SPAG16: variants seen among roughly 807,000 people sequenced by gnomAD.
The protein encoded by SPAG16 is sperm associated antigen 16.
SPAG16 carries 86 observed loss-of-function variants against 80.4 expected under a neutral mutation model. That is an observed-to-expected ratio of 1.07 (90% CI 0.90 to 1.28). SPAG16 has a LOEUF of 1.28. Among genes scored for constraint, SPAG16 ranks in the 50% most tolerant of loss-of-function variants. The pLI, the probability that SPAG16 is intolerant of heterozygous loss-of-function variation, is 0.00. For synonymous variants in SPAG16, 294 were observed against 265.9 expected (o/e 1.11, Z -1.03); for missense variants, 870 against 765.3 (o/e 1.14, Z -1.61).
At chr2:213,363,536 G>A (rs1345632465) in intron 7 of SPAG16, among the ~76,000 whole-genome samples, 1 of 151,996 alleles carries the variant, frequency 6.6e-6, no homozygotes, top group Non-Finnish European at 1.5e-5. Flanking sequence ...TTTAAATTAA[G>A]TATTTTTCAG....
chr2:214,117,138 T>G (rs1169598173), intron 14 of SPAG16, among the ~76,000 whole-genome samples: 1 of 152,106 alleles, frequency 6.6e-6, no homozygotes, highest in Non-Finnish European at 1.5e-5. Context: ...GAGAAATTTA[T>G]CAGGGAAATT....
chr2:213,890,408 G>C (rs2076741686), intron 11 of SPAG16, among the ~76,000 whole-genome samples: 1 of 152,030 alleles, frequency 6.6e-6, no homozygotes, highest in Non-Finnish European at 1.5e-5. Context: ...CTTGAAGACT[G>C]AGTAAATGTG....
At chr2:214,408,697 A>G (rs7583697) in intron 15 of SPAG16, among the ~76,000 whole-genome samples, 29,380 of 152,146 alleles carry the variant, frequency 0.19, 3,625 homozygotes, top group African/African-American at 0.33. Context: ...TTTTCACAAT[A>G]TATCACTTAC....
At chr2:214,240,418 C>T (rs1559149255) in intron 15 of SPAG16, 1 of 152,122 alleles carries the variant, frequency 6.6e-6, no homozygotes, top group African/African-American at 2.4e-5. Flanking sequence ...GTTCATCAGG[C>T]TTTATCATTG....
At chr2:214,281,664 C>T (rs1348332773) in intron 15 of SPAG16, among the ~76,000 whole-genome samples, 1 of 152,136 alleles carries the variant, frequency 6.6e-6, no homozygotes, top group Non-Finnish European at 1.5e-5. Context: ...TTAATATATA[C>T]CTACCTATCA....
At chr2:213,587,684 C>G (rs1475626263) in intron 10 of SPAG16, among the ~76,000 whole-genome samples, 2 of 152,114 alleles carry the variant, frequency 1.3e-5, no homozygotes, top group Non-Finnish European at 2.9e-5. Flanking sequence ...TGAGAATTTT[C>G]CAATTTTTAA....
At chr2:213,771,688 A>G (rs973949493) in intron 10 of SPAG16, among the ~76,000 whole-genome samples, 2 of 152,036 alleles carry the variant, frequency 1.3e-5, no homozygotes, top group African/African-American at 4.8e-5. Context: ...CAGTTTTTCC[A>G]CCATTTATTA....
chr2:213,758,751 A>G (rs1474868537), intron 10 of SPAG16, among the ~76,000 whole-genome samples: 1 of 152,180 alleles, frequency 6.6e-6, no homozygotes, highest in African/African-American at 2.4e-5. Flanking sequence ...AACTTGAAGA[A>G]ACAACGGATA....
At chr2:213,754,610 A>T (rs2068232286) in intron 10 of SPAG16, among the ~76,000 whole-genome samples, 1 of 151,934 alleles carries the variant, frequency 6.6e-6, no homozygotes, top group Admixed American at 6.5e-5. Flanking sequence ...CATAAATATT[A>T]AAAAACTTTC....
intron 10 of SPAG16, 114 bp downstream of exon 10, chr2:213,490,204 G>A (rs2074178755): frequency 2.0e-6 from 2 of 976,104 alleles, no homozygotes; most frequent in Non-Finnish European, 2.9e-6. Flanking sequence ...TTTCAAAATT[G>A]CTACTCATAG....
At chr2:213,507,255 C>T (rs905817253) in intron 10 of SPAG16, among the ~76,000 whole-genome samples, 1 of 152,238 alleles carries the variant, frequency 6.6e-6, no homozygotes, top group African/African-American at 2.4e-5. Flanking sequence ...ATACATTGTA[C>T]TGCTCAAGTT....
chr2:214,083,268 G>A (rs1056933931), intron 13 of SPAG16, among the ~76,000 whole-genome samples: 3 of 152,134 alleles, frequency 2.0e-5, no homozygotes, highest in African/African-American at 7.2e-5. Flanking sequence ...ATCCCCAAAG[G>A]AGTGTGTGAT....
intron 12 of SPAG16, among the ~76,000 whole-genome samples, chr2:213,980,239 T>C (rs2045633213): frequency 9.1e-6 from 1 of 109,428 alleles, no homozygotes; most frequent in African/African-American, 4.1e-5. Context: ...ATATTCTCTA[T>C]ATATATAGAA....
chr2:214,106,396 A>G (rs1209116522), intron 13 of SPAG16, among the ~76,000 whole-genome samples: 2 of 152,198 alleles, frequency 1.3e-5, no homozygotes, highest in East Asian at 1.9e-4. Flanking sequence ...CTGAGCCATA[A>G]TAACAAGGAT....
At chr2:214,302,065 A>AGTTTCCAT (rs1271860452) in intron 15 of SPAG16, among the ~76,000 whole-genome samples, 1 of 152,026 alleles carries the variant, frequency 6.6e-6, no homozygotes, top group African/African-American at 2.4e-5. Flanking sequence ...CAAGTTGTTT[A>AGTTTCCAT]GTTTCCATGT....
intron 9 of SPAG16, among the ~76,000 whole-genome samples, chr2:213,395,923 T>C (rs889644512): frequency 1.1e-4 from 16 of 152,358 alleles, no homozygotes; most frequent in Admixed American, 5.9e-4. Flanking sequence ...ATTCAGATAA[T>C]TGCTGTTTCA....
intron 11 of SPAG16, among the ~76,000 whole-genome samples, chr2:213,890,846 A>G (rs2076759202): frequency 6.6e-6 from 1 of 151,928 alleles, no homozygotes; most frequent in African/African-American, 2.4e-5. Context: ...GATGTGTTAA[A>G]GTTTGGCATT....
chr2:213,342,001 A>G (rs1042384836), intron 6 of SPAG16, among the ~76,000 whole-genome samples: 6 of 152,076 alleles, frequency 3.9e-5, no homozygotes, highest in African/African-American at 1.4e-4. Flanking sequence ...GTTTTTCTAG[A>G]TGTTGTTTCC....
intron 10 of SPAG16, among the ~76,000 whole-genome samples, chr2:213,525,769 A>G (rs538880992): frequency 5.9e-5 from 9 of 152,230 alleles, no homozygotes; most frequent in South Asian, 2.1e-4. Context: ...ATGTCTATGT[A>G]TATCTACATC....
Sources: allele counts gnomAD v4.1 joint callset (sites outside exome capture counted in the v4.1 genomes callset), GRCh38; gene constraint gnomAD v4.1.1; transcripts MANE v1.5; gene names NCBI Gene and HGNC (gene_info 2026-07-23, HGNC 2026-07-21).